Variants in ZBBX observed in about 807,000 individuals in gnomAD.
ZBBX encodes zinc finger B-box domain-containing protein 1.
Under a neutral mutation model 108.5 loss-of-function variants are expected in ZBBX, and 101 were observed. The ratio of observed to expected loss-of-function variants is 0.93; its 90% confidence interval spans 0.79 to 1.10. The LOEUF is 1.10. ZBBX is among the 50% of genes least tolerant of loss of function. The probability of loss-of-function intolerance (pLI) is 0.00; values close to 1 mark genes in which losing one functional copy is unlikely to be tolerated. For synonymous variants in ZBBX, 356 were observed against 323.4 expected, an observed-to-expected ratio of 1.10 and a Z score of -1.08; for missense variants, 1,009 against 941.4, an observed-to-expected ratio of 1.07 and a Z score of -0.94.
intron 8 of ZBBX, among the ~76,000 whole-genome samples, chr3:167,357,253 G>A (rs1560176733): frequency 6.6e-6 from 1 of 152,252 alleles, no homozygotes; most frequent in East Asian, 1.9e-4. Flanking sequence ...AGATATCAAT[G>A]TCAAATGAAA....
chr3:167,193,208 C>A, the ZBBX span, among the ~76,000 whole-genome samples: 1 of 152,082 alleles, frequency 6.6e-6, no homozygotes, highest in Admixed American at 6.6e-5. Flanking sequence ...TTAAATGGCA[C>A]CTTAAACCCA....
chr3:167,181,307 A>G, the ZBBX span, among the ~76,000 whole-genome samples: 1 of 152,182 alleles, frequency 6.6e-6, no homozygotes, highest in Non-Finnish European at 1.5e-5. Context: ...CATTGTTGTA[A>G]TAAATCTCTC....
chr3:167,406,280 C>G (rs1341514180), intron 1 of ZBBX, among the ~76,000 whole-genome samples: 1 of 152,192 alleles, frequency 6.6e-6, no homozygotes, highest in Non-Finnish European at 1.5e-5. Context: ...CAAAAGCCTA[C>G]TTATATTTTT....
intron 1 of ZBBX, among the ~76,000 whole-genome samples, chr3:167,405,224 G>C (rs1748547516): frequency 2.0e-5 from 3 of 152,186 alleles, no homozygotes; most frequent in Admixed American, 2.0e-4. Flanking sequence ...AAGAGGTCAG[G>C]TTAGAGATAA....
intron 20 of ZBBX, among the ~76,000 whole-genome samples, chr3:167,264,986 C>T (rs561816076): frequency 6.6e-6 from 1 of 152,356 alleles, no homozygotes; most frequent in Admixed American, 6.5e-5. Context: ...TCCCATCTGG[C>T]CCATGCCAGG....
chr3:167,295,734 TATATATATATATATATATATATATAA>T (rs1302440309), intron 18 of ZBBX, among the ~76,000 whole-genome samples: 9 of 19,276 alleles, frequency 4.7e-4, no homozygotes, highest in Admixed American at 6.6e-4. Flanking sequence ...TATATATATA[TATATATATATATATATATATATATAA>T]AAAAAACTAG....
chr3:167,281,799 T>C (rs1444148616), intron 20 of ZBBX, among the ~76,000 whole-genome samples: 1 of 152,204 alleles, frequency 6.6e-6, no homozygotes, highest in African/African-American at 2.4e-5. Flanking sequence ...ATTTTCATGG[T>C]GACAAGATCC....
At chr3:167,294,193 T>C (rs1386697213) in intron 18 of ZBBX, among the ~76,000 whole-genome samples, 1 of 152,110 alleles carries the variant, frequency 6.6e-6, no homozygotes, top group Non-Finnish European at 1.5e-5. Flanking sequence ...GGAAAAAATT[T>C]ACTTTAAATT....
chr3:167,332,278 CACACACACACAA>C (rs1738770893), intron 10 of ZBBX, among the ~76,000 whole-genome samples: 1 of 134,794 alleles, frequency 7.4e-6, no homozygotes, highest in East Asian at 2.8e-4. Flanking sequence ...TAAACACACA[CACACACACACAA>C]ACACACACAC....
intron 20 of ZBBX, among the ~76,000 whole-genome samples, chr3:167,268,903 G>C (rs1222143273): frequency 1.3e-5 from 2 of 152,112 alleles, no homozygotes; most frequent in Non-Finnish European, 2.9e-5. Context: ...CCGTTTAAAA[G>C]AACCAAGCCT....
intron 13 of ZBBX, 127 bp from the exon 14 acceptor site, chr3:167,317,232 T>G: frequency 1.5e-6 from 1 of 668,574 alleles, no homozygotes. Flanking sequence ...ACAAATACTG[T>G]CAATTTTCCC....
chr3:167,271,851 G>A (rs148303917), intron 20 of ZBBX, among the ~76,000 whole-genome samples: 7 of 152,220 alleles, frequency 4.6e-5, no homozygotes, highest in East Asian at 1.9e-4. Flanking sequence ...TCACTGGATC[G>A]AAGCTATTCC....
chr3:167,260,663 A>C (rs989531519), intron 20 of ZBBX, among the ~76,000 whole-genome samples: 1 of 152,092 alleles, frequency 6.6e-6, no homozygotes, highest in Non-Finnish European at 1.5e-5. Context: ...AGTGTGTCCA[A>C]AGTTTTCTGA....
chr3:167,255,606 T>C (rs957156965), intron 20 of ZBBX, among the ~76,000 whole-genome samples: 3 of 152,096 alleles, frequency 2.0e-5, no homozygotes, highest in African/African-American at 4.8e-5. Context: ...AGCATATAGT[T>C]AGAAATGGCC....
At chr3:167,190,313 G>C in the ZBBX span, among the ~76,000 whole-genome samples, 2 of 151,420 alleles carry the variant, frequency 1.3e-5, no homozygotes, top group Non-Finnish European at 2.9e-5. Context: ...TAATCTCTAT[G>C]GAATTGTTAA....
At chr3:167,283,944 G>A (rs1400581889) in intron 19 of ZBBX, among the ~76,000 whole-genome samples, 10 of 152,036 alleles carry the variant, frequency 6.6e-5, no homozygotes, top group Non-Finnish European at 7.4e-5. Flanking sequence ...AATCTACTTC[G>A]AATGTGTCTA....
the ZBBX span, among the ~76,000 whole-genome samples, chr3:167,187,763 G>A: frequency 1.3e-5 from 2 of 152,150 alleles, no homozygotes; most frequent in Non-Finnish European, 2.9e-5. Context: ...ACTATCCAAG[G>A]TGGCAAGGGG....
Position 167,331,049 on chromosome 3 carries a change from G to T in ZBBX, c.687+2778C>A, listed in dbSNP as rs550919088. Among the ~76,000 whole-genome samples the T allele has an allele frequency of 8.1e-5, 12 of 147,940 alleles. No individual in the cohort carries two copies. In the East Asian group the frequency reaches 2.5e-3, roughly 31 times the overall value. On this transcript the variant is annotated intron_variant, in intron 10 of 21. Transcript: ENST00000675490. Reference sequence around the variant, plus strand: ...AAGAAGGCAGCCATCTAAAAGCCAGGAAGTAAAGCCTCACCAGGAACCAAT... The same window carrying T: ...AAGAAGGCAGCCATCTAAAAGCCAGTAAGTAAAGCCTCACCAGGAACCAAT...
At position 167,375,891 on chromosome 3, in the gene ZBBX, A is replaced by G. The variant is rs371216886; in HGVS notation, c.-131-2104T>C. On this transcript the variant is annotated intron_variant, in intron 2 of 21. Transcript: ENST00000675490. The stretch of plus-strand genomic sequence containing the variant: ...TAGCGGTTGCCTTATGGGACTAGTT[A>G]TGTTTGTACCTTCAATCCACAAACA... 2.6e-5 allele frequency among the ~76,000 whole-genome samples: 4 copies of G among 152,190 alleles called. No homozygotes were observed. In the East Asian group the frequency reaches 5.8e-4, roughly 22 times the overall value.
Sources: allele counts gnomAD v4.1 joint callset (sites outside exome capture counted in the v4.1 genomes callset), GRCh38; gene constraint gnomAD v4.1.1; transcripts MANE v1.5; gene names NCBI Gene and HGNC (gene_info 2026-07-23, HGNC 2026-07-21).